RNF121: variants seen among roughly 807,000 people sequenced by gnomAD.
RNF121 encodes ring finger protein 121.
A neutral mutation model predicts 46.5 loss-of-function variants in RNF121; 21 were observed. That is an observed-to-expected ratio of 0.45 (90% CI 0.32 to 0.65). RNF121 has a LOEUF of 0.65. Ranked by LOEUF, RNF121 falls within the 30% of genes least tolerant of loss-of-function variation. The pLI is 0.04. For missense variants in RNF121, 346 were observed against 416.0 expected, an observed-to-expected ratio of 0.83 and a Z score of 1.46; for synonymous variants, 139 against 144.7, an observed-to-expected ratio of 0.96 and a Z score of 0.28.
At chr11:71,941,175 G>A (rs76397783) in intron 1 of RNF121, among the ~76,000 whole-genome samples, 4,950 of 152,304 alleles carry the variant, frequency 0.033, 77 homozygotes, top group East Asian at 0.078. Flanking sequence ...GAAGGATCAG[G>A]TTGGAAAAAG....
rs770121817 is a variant in RNF121 at position 71,967,349 on chromosome 11, G to GTTTTTT, written c.243+6471_243+6476dup. 2.5e-4 allele frequency among the ~76,000 whole-genome samples: 25 copies of GTTTTTT among 100,540 alleles called. 1 individual carries two copies. Among genetic ancestry groups the GTTTTTT allele is most frequent in the Admixed American group, 4.4e-4 (3 of 6,868 alleles). The allele number at this position is 100,540 out of a possible 152,430, so 66.0% of individuals were successfully genotyped here. A position where few individuals can be genotyped will look rare whatever the true frequency, so the allele number is the denominator to read the frequency against. On this transcript the variant is annotated intron_variant, in intron 3 of 8. Coordinates refer to ENST00000361756, the MANE Select transcript of RNF121 (RefSeq NM_018320.5). ...GGTAATAATTATGTGGGTTTTTTTTGTTTTTTTTTTTTTTTTTTGAGACGG... is the reference window on the plus strand; with the variant it reads ...GGTAATAATTATGTGGGTTTTTTTTGTTTTTTTTTTTTTTTTTTTTTTTTGAGACGG...
chr11:71,950,460 T>G (rs547096612), intron 1 of RNF121, among the ~76,000 whole-genome samples: 1 of 151,858 alleles, frequency 6.6e-6, no homozygotes, highest in Non-Finnish European at 1.5e-5. Flanking sequence ...GGCTTGCACC[T>G]GTAATCCCAG....
intron 1 of RNF121, 74 bp downstream of exon 1, chr11:71,929,198 G>A (rs768729019): frequency 2.1e-5 from 32 of 1,508,396 alleles, no homozygotes; most frequent in Non-Finnish European, 2.9e-5. Flanking sequence ...TCGGGAGGTG[G>A]GGGTCTTAGG....
intron 1 of RNF121, among the ~76,000 whole-genome samples, chr11:71,951,352 T>G (rs1953874855): frequency 6.6e-6 from 1 of 152,144 alleles, no homozygotes; most frequent in South Asian, 2.1e-4. Context: ...TGTACATTAT[T>G]TTTTTCTTCA....
intron 3 of RNF121, among the ~76,000 whole-genome samples, chr11:71,971,861 T>A (rs1954428191): frequency 6.6e-6 from 1 of 152,320 alleles, no homozygotes; most frequent in South Asian, 2.1e-4. Flanking sequence ...GATAGCAGCA[T>A]GGCATTGCTG....
chr11:71,933,827 G>A (rs1272963521), intron 1 of RNF121, among the ~76,000 whole-genome samples: 3 of 152,106 alleles, frequency 2.0e-5, no homozygotes, highest in Non-Finnish European at 4.4e-5. Context: ...TTTGATAATC[G>A]TTGTTTTTGA....
At chr11:71,978,154 GC>G in intron 3 of RNF121, 1 of 450,756 alleles carries the variant, frequency 2.2e-6, no homozygotes, top group Non-Finnish European at 4.5e-6. Context: ...ATCTGCCTCA[GC>G]CCCCCAATGT....
At chr11:71,993,283 T>C (rs1237903110) in intron 6 of RNF121, among the ~76,000 whole-genome samples, 1 of 152,242 alleles carries the variant, frequency 6.6e-6, no homozygotes, top group Non-Finnish European at 1.5e-5. Flanking sequence ...TTAATTACAT[T>C]TGCAGTGTTC....
At chr11:71,970,955 T>A (rs1954407572) in intron 3 of RNF121, among the ~76,000 whole-genome samples, 2 of 152,208 alleles carry the variant, frequency 1.3e-5, no homozygotes, top group African/African-American at 4.8e-5. Flanking sequence ...GTATTCATTG[T>A]TAAGTAGATT....
At chr11:71,982,970 A>G in intron 4 of RNF121, 55 bp downstream of exon 4, 1 of 1,526,418 alleles carries the variant, frequency 6.6e-7, no homozygotes, top group African/African-American at 1.4e-5. Context: ...ATGGGTTGGA[A>G]TGCATGGGAG....
Position 71,936,126 on chromosome 11 carries a change from C to G in RNF121, c.63+7002C>G, listed in dbSNP as rs1953403368. ...CCTCCCAGAGTGCTGGGATTATAGGCGTGAGATTATAGGCGTAAACTGCTG... is the reference window on the plus strand; with the variant it reads ...CCTCCCAGAGTGCTGGGATTATAGGGGTGAGATTATAGGCGTAAACTGCTG... On this transcript the variant is annotated intron_variant, in intron 1 of 8. Coordinates refer to ENST00000361756, the MANE Select transcript of RNF121 (RefSeq NM_018320.5). 2.0e-5 allele frequency among the ~76,000 whole-genome samples: 3 copies of G among 151,856 alleles called. No individual in the cohort carries two copies. In the South Asian group the frequency reaches 6.2e-4, roughly 32 times the overall value.
chr11:71,952,474 A>G (rs1305148394), intron 1 of RNF121, among the ~76,000 whole-genome samples: 1 of 152,196 alleles, frequency 6.6e-6, no homozygotes, highest in Non-Finnish European at 1.5e-5. Flanking sequence ...GACAATTTAT[A>G]TATTTGTGTA....
chr11:71,932,796 C>T (rs1019123305), intron 1 of RNF121, among the ~76,000 whole-genome samples: 9 of 152,178 alleles, frequency 5.9e-5, no homozygotes, highest in African/African-American at 1.9e-4. Context: ...CATAAAGCAG[C>T]ATGTCATCCC....
intron 8 of RNF121, 30 bp downstream of exon 8, chr11:71,995,581 T>C: frequency 6.5e-7 from 1 of 1,534,006 alleles, no homozygotes; most frequent in Non-Finnish European, 8.9e-7. Context: ...TTGTTGGGAG[T>C]GGGCTGTGGG....
chr11:71,942,807 C>CAA (rs1159461531), intron 1 of RNF121, among the ~76,000 whole-genome samples: 67 of 143,166 alleles, frequency 4.7e-4, no homozygotes, highest in Admixed American at 2.7e-3. Context: ...TATATGTACA[C>CAA]ACACACACAC....
At chr11:71,935,005 G>C (rs889842377) in intron 1 of RNF121, among the ~76,000 whole-genome samples, 5 of 144,742 alleles carry the variant, frequency 3.5e-5, no homozygotes, top group Non-Finnish European at 3.0e-5. Context: ...ACAGTAGAGT[G>C]ATCTTTGCTC....
chr11:71,957,379 C>G, intron 2 of RNF121, 115 bp downstream of exon 2: 2 of 773,722 alleles, frequency 2.6e-6, no homozygotes. Context: ...GGCTCATGAC[C>G]GGTAGGACTG....
At chr11:71,990,846 A>G (rs1954851276) in intron 6 of RNF121, 129 bp downstream of exon 6, 1 of 1,077,042 alleles carries the variant, frequency 9.3e-7, no homozygotes, top group Non-Finnish European at 1.3e-6. Context: ...CAAGATGTGC[A>G]TATGCATGGA....
At chr11:71,951,337 T>G (rs1235836551) in intron 1 of RNF121, among the ~76,000 whole-genome samples, 1 of 152,068 alleles carries the variant, frequency 6.6e-6, no homozygotes, top group East Asian at 1.9e-4. Context: ...TGTGCCAGAT[T>G]AGGATGTACA....
Sources: allele counts gnomAD v4.1 joint callset (sites outside exome capture counted in the v4.1 genomes callset), GRCh38; gene constraint gnomAD v4.1.1; transcripts MANE v1.5; gene names NCBI Gene and HGNC (gene_info 2026-07-23, HGNC 2026-07-21).